Variants in NYAP2 observed in about 807,000 individuals in gnomAD.
The protein encoded by NYAP2 is neuronal tyrosine-phosphorylated phosphoinositide-3-kinase adaptor 2.
NYAP2 carries 23 observed loss-of-function variants against 50.4 expected under a neutral mutation model. The ratio of observed to expected loss-of-function variants is 0.46; its 90% CI spans 0.33 to 0.65. NYAP2 has a LOEUF of 0.65. Ranked by LOEUF, NYAP2 falls within the 30% of genes least tolerant of loss-of-function variation. The pLI, the probability that NYAP2 is intolerant of heterozygous loss-of-function variation, is 0.02. For missense variants in NYAP2, 885 were observed against 861.0 expected (o/e 1.03, Z -0.35); for synonymous variants, 394 against 365.2 (o/e 1.08, Z -0.90).
chr2:225,545,396 C>A (rs971148002), intron 4 of NYAP2, among the ~76,000 whole-genome samples: 3 of 151,842 alleles, frequency 2.0e-5, no homozygotes, highest in African/African-American at 7.3e-5. Context: ...ATTTTGTCTC[C>A]TCTGACCATG....
chr2:225,641,458 C>A (rs866546875), intron 6 of NYAP2, among the ~76,000 whole-genome samples: 9 of 142,826 alleles, frequency 6.3e-5, no homozygotes, highest in African/African-American at 2.5e-4. Context: ...CACACACACA[C>A]ACACACACAC....
chr2:225,663,314 C>A, the NYAP2 span, among the ~76,000 whole-genome samples: 17 of 152,294 alleles, frequency 1.1e-4, 1 homozygote. Context: ...CCTCTAAACT[C>A]ACCCTCTGTT....
At chr2:225,611,761 A>G (rs972620742) in intron 5 of NYAP2, among the ~76,000 whole-genome samples, 2 of 151,870 alleles carry the variant, frequency 1.3e-5, no homozygotes, top group African/African-American at 4.8e-5. Flanking sequence ...TCACTGTTCT[A>G]TTCTTCCAGA....
chr2:225,485,110 T>TG (rs1243070743), intron 3 of NYAP2, among the ~76,000 whole-genome samples: 3 of 152,088 alleles, frequency 2.0e-5, no homozygotes, highest in Non-Finnish European at 4.4e-5. Context: ...GTGTTGAGGG[T>TG]GGGGCCAGGT....
chr2:225,474,237 G>A (rs1482339274), intron 3 of NYAP2, among the ~76,000 whole-genome samples: 2 of 152,148 alleles, frequency 1.3e-5, no homozygotes, highest in East Asian at 1.9e-4. Context: ...TTGAAGTCAG[G>A]TAGCGTGATG....
At chr2:225,591,807 C>T (rs1450264738) in intron 5 of NYAP2, among the ~76,000 whole-genome samples, 1 of 152,154 alleles carries the variant, frequency 6.6e-6, no homozygotes, top group Admixed American at 6.5e-5. Context: ...TCTAAGGGCT[C>T]ATGACGTTAT....
intron 5 of NYAP2, among the ~76,000 whole-genome samples, chr2:225,617,925 C>G (rs967289259): frequency 3.9e-5 from 6 of 152,150 alleles, no homozygotes; most frequent in African/African-American, 1.4e-4. Flanking sequence ...TCAATTCTCA[C>G]TGAGGACTCT....
the NYAP2 span, among the ~76,000 whole-genome samples, chr2:225,694,163 A>T: frequency 3.9e-5 from 6 of 152,086 alleles, no homozygotes; most frequent in South Asian, 8.3e-4. Flanking sequence ...TTTGGATTAA[A>T]GATAAGAAAT....
chr2:225,411,942 C>A (rs993920373), intron 3 of NYAP2, among the ~76,000 whole-genome samples: 2 of 150,188 alleles, frequency 1.3e-5, no homozygotes, highest in African/African-American at 2.4e-5. Context: ...TAATTATTTA[C>A]AAATGATATA....
the NYAP2 span, among the ~76,000 whole-genome samples, chr2:225,696,807 G>A: frequency 6.6e-6 from 1 of 151,916 alleles, no homozygotes; most frequent in East Asian, 1.9e-4. Flanking sequence ...TCTGCCATTT[G>A]TTGGCTCTGT....
chr2:225,677,606 A>AT, the NYAP2 span, among the ~76,000 whole-genome samples: 34 of 151,248 alleles, frequency 2.2e-4, no homozygotes, highest in African/African-American at 5.3e-4. Context: ...TCTGTTGAGG[A>AT]TTTTTTTTTA....
chr2:225,420,061 C>T (rs1695191546), intron 3 of NYAP2, among the ~76,000 whole-genome samples: 1 of 152,198 alleles, frequency 6.6e-6, no homozygotes, highest in South Asian at 2.1e-4. Flanking sequence ...ATTAAACTGG[C>T]TTCCAAGAGC....
At chr2:225,584,176 T>C (rs896383005) in intron 5 of NYAP2, among the ~76,000 whole-genome samples, 15 of 152,258 alleles carry the variant, frequency 9.9e-5, no homozygotes, top group African/African-American at 3.6e-4. Flanking sequence ...GTATACTTCA[T>C]GTTCTTGTAT....
intron 2 of NYAP2, among the ~76,000 whole-genome samples, chr2:225,405,817 T>C (rs1305881568): frequency 6.6e-6 from 1 of 151,968 alleles, no homozygotes; most frequent in African/African-American, 2.4e-5. Context: ...GAGCTGTCCA[T>C]ATAGATTTGA....
upstream of NYAP2, among the ~76,000 whole-genome samples, chr2:225,398,624 C>CAG (rs55932860): frequency 0.81 from 121,178 of 149,340 alleles, 49,325 homozygotes; most frequent in African/African-American, 0.91. Flanking sequence ...CTTCATAAGG[C>CAG]AGAGAGAGAG....
chr2:225,514,432 G>A (rs992270396), intron 4 of NYAP2, among the ~76,000 whole-genome samples: 18 of 152,166 alleles, frequency 1.2e-4, no homozygotes, highest in African/African-American at 4.3e-4. Flanking sequence ...TAGCCTGGGT[G>A]GCATATAAGC....
chr2:225,435,637 A>G (rs1689363943), intron 3 of NYAP2, among the ~76,000 whole-genome samples: 2 of 152,112 alleles, frequency 1.3e-5, no homozygotes, highest in Non-Finnish European at 2.9e-5. Flanking sequence ...ACATATTGGT[A>G]TTTCTTTTTC....
downstream of NYAP2, among the ~76,000 whole-genome samples, chr2:225,658,156 A>G (rs1405027726): frequency 6.6e-6 from 1 of 152,168 alleles, no homozygotes; most frequent in Non-Finnish European, 1.5e-5. Context: ...AACCAACAAA[A>G]TCTGAACTCA....
intron 4 of NYAP2, among the ~76,000 whole-genome samples, chr2:225,548,989 T>C (rs1436604497): frequency 6.6e-6 from 1 of 151,966 alleles, no homozygotes; most frequent in Non-Finnish European, 1.5e-5. Context: ...CAAGCGATCC[T>C]CCTGCCTCAG....
Sources: gnomAD v4.1 joint callset for allele counts (sites outside exome capture counted in the v4.1 genomes callset) on GRCh38, gnomAD v4.1.1 for gene constraint, MANE v1.5 for transcripts, NCBI Gene and HGNC (gene_info 2026-07-23, HGNC 2026-07-21) for gene names.